Variants in ABCB10 observed in about 807,000 individuals in gnomAD.
ABCB10 encodes ATP-binding cassette sub-family B member 10, mitochondrial.
Under a neutral mutation model 65.4 loss-of-function variants are expected in ABCB10, and 54 were observed. The ratio of observed to expected loss-of-function variants is 0.83; its 90% CI spans 0.66 to 1.04. ABCB10 has a LOEUF of 1.04. Ranked by LOEUF, ABCB10 falls within the 50% of genes least tolerant of loss-of-function variation. ABCB10 has a pLI of 0.00. For synonymous variants in ABCB10, 418 were observed against 406.5 expected (o/e 1.03, Z -0.34); for missense variants, 846 against 976.6 (o/e 0.87, Z 1.78).
rs766368971 is a variant in ABCB10, at chr1:229,518,406, G to A, written c.1990C>T (p.Leu664=). 10 of 1,614,008 alleles carry A rather than the reference G, an allele frequency of 6.2e-6. No homozygotes were observed. The highest frequency in any genetic ancestry group is 8.5e-6 in the Non-Finnish European group (10 of 1,179,912). Reference sequence around the variant, plus strand: ...ACAAGGTACTCATTTTCGGCATCCAGCGCACTGACACAGGAGCACACACAC... The same window carrying A: ...ACAAGGTACTCATTTTCGGCATCCAACGCACTGACACAGGAGCACACACAC... ...ILLLDEATSA[L]DAENEYLVQE... Residue 664 remains leucine, a synonymous_variant, in exon 13 of 13, where the codon CTG becomes TTG. Coordinates refer to ENST00000344517, the MANE Select transcript of ABCB10 (RefSeq NM_012089.3).
intron 3 of ABCB10, among the ~76,000 whole-genome samples, chr1:229,543,640 A>G (rs1235596455): frequency 2.6e-5 from 4 of 152,252 alleles, no homozygotes; most frequent in Admixed American, 2.0e-4. Context: ...GCAAGAAAGA[A>G]GAGGTGAGAC....
intron 3 of ABCB10, 112 bp downstream of exon 3, chr1:229,547,387 G>A (rs985920063): frequency 1.0e-5 from 13 of 1,255,946 alleles, no homozygotes; most frequent in Non-Finnish European, 1.3e-5. Context: ...TTTGGCTCTA[G>A]GCACTTACAG....
chr1:229,531,288 C>G (rs1034335830), intron 7 of ABCB10, among the ~76,000 whole-genome samples: 1 of 152,168 alleles, frequency 6.6e-6, no homozygotes, highest in Non-Finnish European at 1.5e-5. Flanking sequence ...GTCAGAATCA[C>G]TAGGGAAGAT....
intron 4 of ABCB10, among the ~76,000 whole-genome samples, chr1:229,541,526 C>G (rs1662843922): frequency 1.3e-5 from 2 of 152,186 alleles, no homozygotes; most frequent in African/African-American, 4.8e-5. Context: ...CGCACCTGGC[C>G]ATTTTTAATT....
At chr1:229,527,840 G>C (rs909632692) in intron 8 of ABCB10, among the ~76,000 whole-genome samples, 1 of 152,216 alleles carries the variant, frequency 6.6e-6, no homozygotes, top group African/African-American at 2.4e-5. Flanking sequence ...TGTCCTGGAA[G>C]TACAATCTAG....
intron 8 of ABCB10, among the ~76,000 whole-genome samples, chr1:229,529,145 T>G (rs1239405779): frequency 1.4e-5 from 2 of 143,808 alleles, no homozygotes; most frequent in Non-Finnish European, 3.0e-5. Flanking sequence ...CAAAAAAAAT[T>G]AGCCGGGCAT....
intron 3 of ABCB10, 144 bp from the exon 4 acceptor site, chr1:229,542,515 C>T (rs529132957): frequency 5.2e-4 from 533 of 1,019,106 alleles, no homozygotes; most frequent in Non-Finnish European, 7.2e-4. Context: ...GGTACTGTCC[C>T]CAAGTTGTTA....
intron 3 of ABCB10, among the ~76,000 whole-genome samples, chr1:229,546,763 A>G (rs914734460): frequency 1.3e-5 from 2 of 152,066 alleles, no homozygotes; most frequent in Non-Finnish European, 2.9e-5. Context: ...GTGTGCCTGT[A>G]GTCCCAGATA....
At position 229,518,013 on chromosome 1, in the gene ABCB10, C is replaced by G; in HGVS notation, c.*166G>C. The G allele has an allele frequency of 1.7e-6, 1 of 599,608 alleles. No individual in the cohort carries two copies. The highest frequency in any genetic ancestry group is 3.1e-5 in the Admixed American group (1 of 31,784). 37.1% of individuals were successfully genotyped at this position (599,608 alleles called of 1,614,324 possible). ...TTATTAAAACTCTGAATAAAAAGAT[C>G]TTGAGAACAGGTACGTTTCAAAACA... On this transcript the variant is annotated 3_prime_UTR_variant, in exon 13 of 13. Transcript: ENST00000344517.
intron 3 of ABCB10, among the ~76,000 whole-genome samples, chr1:229,545,953 C>T (rs1021253682): frequency 3.9e-5 from 6 of 152,114 alleles, no homozygotes; most frequent in African/African-American, 1.2e-4. Context: ...AGGCAGATCA[C>T]GAGGTCAGGA....
At chr1:229,541,993 G>A (rs1413184856) in intron 4 of ABCB10, among the ~76,000 whole-genome samples, 2 of 151,624 alleles carry the variant, frequency 1.3e-5, no homozygotes, top group Non-Finnish European at 2.9e-5. Context: ...AAGAAATAGT[G>A]ATAGTAACAA....
At chr1:229,555,433 G>A (rs1411501227) in intron 1 of ABCB10, among the ~76,000 whole-genome samples, 1 of 152,246 alleles carries the variant, frequency 6.6e-6, no homozygotes, top group Non-Finnish European at 1.5e-5. Context: ...TCCCCAAAGG[G>A]GCGGCTTAGG....
Position 229,547,489 on chromosome 1 carries a change from G to A in ABCB10, c.921+10C>T. On this transcript the variant is annotated intron_variant, in intron 3 of 12. Transcript: ENST00000344517. ...GCAGGAAGGTACCAAGGGGAACCAG[G>A]CCCACATACCATCATACTGATGCCT... The A allele has an allele frequency of 6.2e-7, 1 of 1,612,096 alleles. No individual in the cohort carries two copies. The highest frequency in any genetic ancestry group is 8.5e-7 in the Non-Finnish European group (1 of 1,179,820).
chr1:229,518,736 G>A, intron 12 of ABCB10, 105 bp downstream of exon 12: 1 of 1,054,868 alleles, frequency 9.5e-7, no homozygotes, highest in East Asian at 2.4e-5. Context: ...GGGGGAAAAA[G>A]GATTTTCAGT....
Position 229,535,807 on chromosome 1 carries a change from C to A in ABCB10, c.1339+3649G>T, listed in dbSNP as rs529229123. Among the ~76,000 whole-genome samples the A allele has an allele frequency of 2.0e-5, 3 of 151,824 alleles. No individual in the cohort carries two copies. In the East Asian group the frequency reaches 5.8e-4, roughly 29 times the overall value. On this transcript the variant is annotated intron_variant, in intron 6 of 12. Transcript: ENST00000344517. ...GTGGCACAATCCCAGCTCGCTGCAA[C>A]CTCCACCTCCCAGGTTCAAGCAATT...
intron 9 of ABCB10, 135 bp downstream of exon 9, chr1:229,527,094 G>T: frequency 2.5e-6 from 2 of 788,740 alleles, no homozygotes; most frequent in Non-Finnish European, 2.0e-6. Flanking sequence ...AACCTGCCAT[G>T]TGAGATGAGC....
intron 3 of ABCB10, among the ~76,000 whole-genome samples, chr1:229,545,057 T>C (rs1240765009): frequency 6.6e-6 from 1 of 152,224 alleles, no homozygotes; most frequent in East Asian, 1.9e-4. Flanking sequence ...GAAATACATT[T>C]CTGTTGTTTC....
intron 3 of ABCB10, among the ~76,000 whole-genome samples, chr1:229,543,959 A>G (rs1484363982): frequency 2.0e-5 from 3 of 152,178 alleles, no homozygotes; most frequent in Non-Finnish European, 2.9e-5. Context: ...GTCAAAATGA[A>G]CCAACTGGAC....
intron 1 of ABCB10, among the ~76,000 whole-genome samples, chr1:229,554,134 T>C (rs1015216342): frequency 1.3e-5 from 2 of 152,126 alleles, no homozygotes; most frequent in African/African-American, 4.8e-5. Flanking sequence ...TGGGACACAT[T>C]TCCACGGATG....
Sources: gnomAD v4.1 joint callset for allele counts (sites outside exome capture counted in the v4.1 genomes callset) on GRCh38, gnomAD v4.1.1 for gene constraint, MANE v1.5 for transcripts, NCBI Gene and HGNC (gene_info 2026-07-23, HGNC 2026-07-21) for gene names.